The following BRCA1 variants were observed in gnomAD, a reference collection of about 807,000 sequenced individuals.
BRCA1 encodes the protein BRCA1 DNA repair associated, also known as breast cancer type 1 susceptibility protein.
Under a neutral mutation model 173.7 loss-of-function variants are expected in BRCA1, and 140 were observed. That is an observed-to-expected ratio of 0.81 (90% confidence interval 0.70 to 0.93). The LOEUF is 0.93. Among genes scored for constraint, BRCA1 ranks in the 40% least tolerant of loss-of-function variants. BRCA1 has a pLI of 0.00. For synonymous variants in BRCA1, 662 were observed against 756.0 expected, an observed-to-expected ratio of 0.88 and a Z score of 2.04; for missense variants, 1,983 against 2,172.5, an observed-to-expected ratio of 0.91 and a Z score of 1.73.
chr17:43,089,465 A>G (rs1318838989), intron 11 of BRCA1, among the ~76,000 whole-genome samples: 1 of 152,122 alleles, frequency 6.6e-6, no homozygotes, highest in African/African-American at 2.4e-5. Context: ...ATGGTCATAT[A>G]TATGGTAAAG....
intron 19 of BRCA1, among the ~76,000 whole-genome samples, chr17:43,056,466 G>A (rs969165758): frequency 1.3e-5 from 2 of 152,118 alleles, no homozygotes; most frequent in East Asian, 1.9e-4. Context: ...GGAACGAGCC[G>A]CTGTGCCTGG....
chr17:43,061,644 G>A (rs2051761110), intron 18 of BRCA1, among the ~76,000 whole-genome samples: 1 of 150,760 alleles, frequency 6.6e-6, no homozygotes, highest in African/African-American at 2.4e-5. Context: ...GTGCAGTGGT[G>A]CAATCTAGGC....
At chr17:43,138,699 G>T (rs751429398) in intron 1 of BRCA1, 1 of 779,338 alleles carries the variant, frequency 1.3e-6, no homozygotes, top group Non-Finnish European at 2.4e-6. Context: ...TCCCTTGCCA[G>T]CAGGGTGCTG....
chr17:43,126,880 G>C (rs1345734516), upstream of BRCA1, among the ~76,000 whole-genome samples: 2 of 152,068 alleles, frequency 1.3e-5, no homozygotes, highest in Non-Finnish European at 2.9e-5. Flanking sequence ...CGCAGCGCTC[G>C]CCAGCCAGCG....
At chr17:43,120,832 C>G (rs1341704161) in intron 2 of BRCA1, among the ~76,000 whole-genome samples, 2 of 150,322 alleles carry the variant, frequency 1.3e-5, no homozygotes, top group South Asian at 2.1e-4. Context: ...TTTGGAAGGC[C>G]GAGGCGGGTG....
intron 11 of BRCA1, chr17:43,082,898 G>A (rs191230495): frequency 3.2e-5 from 11 of 344,440 alleles, no homozygotes; most frequent in Admixed American, 8.8e-5. Flanking sequence ...AAACACTATC[G>A]ATATTTAAAA....
Position 43,044,804 on chromosome 17 carries a change from CTTTTTTTTT to C in BRCA1, c.*865_*873del, listed in dbSNP as rs59541324. The C allele has an allele frequency of 2.1e-5, 8 of 381,496 alleles. No individual in the cohort carries two copies. Among genetic ancestry groups the C allele is most frequent in the South Asian group, 7.7e-5 (4 of 51,830 alleles). The allele number at this position is 381,496 out of a possible 1,614,324, so 23.6% of individuals were successfully genotyped here. On this transcript the variant is annotated 3_prime_UTR_variant, in exon 23 of 23. Transcript: ENST00000357654. ...AGAAATCTCTTCTAGTTTCATTTTC[CTTTTTTTTT>C]TTTTTTTTTTGAGCCACAGTCTCAC...
intron 15 of BRCA1, among the ~76,000 whole-genome samples, chr17:43,068,272 G>A (rs1422894428): frequency 5.5e-5 from 8 of 145,058 alleles, no homozygotes; most frequent in East Asian, 4.1e-4. Context: ...GCGAGACTCC[G>A]TCTCAAAAAA....
At chr17:43,095,543 C>A (rs1289151717) in intron 9 of BRCA1, among the ~76,000 whole-genome samples, 1 of 151,608 alleles carries the variant, frequency 6.6e-6, no homozygotes, top group Non-Finnish European at 1.5e-5. Flanking sequence ...GATTGCATCA[C>A]TGCACTCCAG....
chr17:43,057,618 G>A (rs1429374848), intron 18 of BRCA1, among the ~76,000 whole-genome samples: 1 of 151,766 alleles, frequency 6.6e-6, no homozygotes, highest in Admixed American at 6.6e-5. Flanking sequence ...GGCGGATCAC[G>A]AGGTCAGGAG....
In BRCA1 at chr17:43,045,564, G is replaced by A; in HGVS notation, c.*114C>T. On this transcript the variant is annotated 3_prime_UTR_variant, in exon 23 of 23. Transcript: ENST00000357654. ...CAGGCTGATGTACATAAAATATTTA[G>A]TAGCCAGGACAGTAGAAGGACTGAA... The A allele has an allele frequency of 3.4e-6, 5 of 1,457,934 alleles. No individual in the cohort carries two copies. Among genetic ancestry groups the A allele is most frequent in the Non-Finnish European group, 4.7e-6 (5 of 1,054,620 alleles). The allele number at this position is 1,457,934 out of a possible 1,614,324, so 90.3% of individuals were successfully genotyped here. A position where few individuals can be genotyped will look rare whatever the true frequency, so the allele number is the denominator to read the frequency against.
intron 12 of BRCA1, 58 bp downstream of exon 12, chr17:43,082,346 A>C: frequency 6.4e-7 from 1 of 1,558,878 alleles, no homozygotes; most frequent in Non-Finnish European, 8.8e-7. Context: ...TCAGAAGGAG[A>C]TAAAGGGGAA....
chr17:43,071,989 C>A (rs2052468007), intron 14 of BRCA1, among the ~76,000 whole-genome samples: 1 of 150,912 alleles, frequency 6.6e-6, no homozygotes, highest in South Asian at 2.1e-4. Flanking sequence ...GCCTGGGCAA[C>A]AGAGCGAGAC....
At chr17:43,127,697 C>T (rs970846176), upstream of BRCA1, among the ~76,000 whole-genome samples, 5 of 152,104 alleles carry the variant, frequency 3.3e-5, no homozygotes, top group African/African-American at 9.7e-5. Flanking sequence ...GACCAATCAA[C>T]AGGATGTGGG....
chr17:43,148,288 C>CA (rs113187432), intron 1 of BRCA1: 2,495 of 143,628 alleles, frequency 0.017, 12 homozygotes, highest in Middle Eastern at 0.039. Flanking sequence ...AACTCCATCT[C>CA]AAAAAAAAAA....
intron 18 of BRCA1, 140 bp from the exon 19 acceptor site, chr17:43,057,275 T>TTA: frequency 1.3e-6 from 1 of 784,918 alleles, no homozygotes; most frequent in Non-Finnish European, 2.3e-6. Flanking sequence ...TTTGGGAGAC[T>TTA]GAGGCAGGCA....
rs80357270 is a variant in BRCA1 at position 43,057,131 on chromosome 17, T to A, written c.5198A>T (p.Asp1733Val). 3.2e-5 allele frequency: 51 copies of A among 1,613,744 alleles called. No homozygotes were observed. The highest frequency in any genetic ancestry group is 1.7e-6 in the Non-Finnish European group (2 of 1,179,866). The part of the protein sequence containing the change: ...IKERKMLNEH[D>V]FEVRGDVVNG... ...GACCACATCTCCTCTGACTTCAAAA[T>A]CATGCTGAAAGAAACCAAACACAAC... Residue 1733 changes from aspartate to valine, a missense_variant, in exon 19 of 23, where the codon GAT becomes GTT. Coordinates refer to ENST00000357654, the MANE Select transcript of BRCA1 (RefSeq NM_007294.4).
intron 19 of BRCA1, among the ~76,000 whole-genome samples, chr17:43,052,370 T>G (rs1318808893): frequency 6.6e-6 from 1 of 152,064 alleles, no homozygotes; most frequent in South Asian, 2.1e-4. Flanking sequence ...AGTATTGAAC[T>G]TCTGGGCTCA....
At chr17:43,151,398 A>T (rs2056160654) in intron 1 of BRCA1, among the ~76,000 whole-genome samples, 1 of 152,026 alleles carries the variant, frequency 6.6e-6, no homozygotes, top group Non-Finnish European at 1.5e-5. Flanking sequence ...TGGCCAACAT[A>T]ACAAGACCAC....
Sources: allele counts gnomAD v4.1 joint callset (sites outside exome capture counted in the v4.1 genomes callset), GRCh38; gene constraint gnomAD v4.1.1; transcripts MANE v1.5; gene names NCBI Gene and HGNC (gene_info 2026-07-23, HGNC 2026-07-21).